The following SGCD variants were observed in gnomAD, a reference collection of about 807,000 sequenced individuals.
SGCD encodes the protein sarcoglycan delta.
In SGCD, 18 loss-of-function variants were observed where a neutral mutation model predicts 36.6. The observed-to-expected ratio is 0.49, with a 90% CI of 0.34 to 0.73. SGCD has a LOEUF of 0.73. Among genes scored for constraint, SGCD ranks in the 30% least tolerant of loss-of-function variants. The pLI is 0.01. For synonymous variants in SGCD, 133 were observed against 130.6 expected (o/e 1.02, Z -0.12); for missense variants, 387 against 346.7 (o/e 1.12, Z -0.92).
chr5:156,127,388 G>A (rs556681813), intron 3 of SGCD, among the ~76,000 whole-genome samples: 11 of 152,106 alleles, frequency 7.2e-5, no homozygotes, highest in Non-Finnish European at 1.6e-4. Context: ...AAGATTGCAC[G>A]AGGTCAGGAG....
rs369486267 is a variant in SGCD at position 156,521,798 on chromosome 5, A to G, written c.294+13096A>G. Among the ~76,000 whole-genome samples, 5 of 152,306 alleles carry G rather than the reference A, an allele frequency of 3.3e-5. No homozygotes were observed. In the South Asian group the frequency reaches 8.3e-4, roughly 25 times the overall value. On this transcript the variant is annotated intron_variant, in intron 4 of 8. Coordinates refer to ENST00000337851, the MANE Select transcript of SGCD (RefSeq NM_000337.6). Reference sequence around the variant, plus strand: ...GAAAGACAGTGTGGTGATTCCTCAAAGACCTGGAACTAAAAATACCATTTG... The same window carrying G: ...GAAAGACAGTGTGGTGATTCCTCAAGGACCTGGAACTAAAAATACCATTTG...
chr5:156,614,602 C>T (rs1761955539), intron 6 of SGCD, among the ~76,000 whole-genome samples: 1 of 152,204 alleles, frequency 6.6e-6, no homozygotes, highest in Admixed American at 6.5e-5. Flanking sequence ...TGTTGACTCC[C>T]CCACAGTTTA....
At chr5:156,197,264 T>G (rs1764044386) in intron 3 of SGCD, among the ~76,000 whole-genome samples, 1 of 152,220 alleles carries the variant, frequency 6.6e-6, no homozygotes, top group African/African-American at 2.4e-5. Context: ...GCATGAATAA[T>G]GTTCCGTTGA....
chr5:155,841,448 T>G, the SGCD span, among the ~76,000 whole-genome samples: 2 of 152,322 alleles, frequency 1.3e-5, no homozygotes, highest in East Asian at 3.9e-4. Context: ...AATACCTCAT[T>G]GTAGTTGTAA....
At chr5:156,072,916 A>T (rs1336122259) in intron 1 of SGCD, among the ~76,000 whole-genome samples, 1 of 152,090 alleles carries the variant, frequency 6.6e-6, no homozygotes, top group African/African-American at 2.4e-5. Context: ...GTTCCAGTTG[A>T]TCGCATCGGC....
intron 3 of SGCD, among the ~76,000 whole-genome samples, chr5:156,190,642 T>C (rs1411878696): frequency 6.6e-6 from 1 of 152,172 alleles, no homozygotes; most frequent in Non-Finnish European, 1.5e-5. Flanking sequence ...GAGATTATAT[T>C]TTAACAGAGG....
intron 6 of SGCD, among the ~76,000 whole-genome samples, chr5:156,627,852 A>G (rs1762491114): frequency 6.6e-6 from 1 of 152,182 alleles, no homozygotes; most frequent in Non-Finnish European, 1.5e-5. Context: ...CTGCTTGGTA[A>G]TGTTTATAAT....
intron 1 of SGCD, among the ~76,000 whole-genome samples, chr5:156,056,696 A>C (rs544225826): frequency 7.1e-6 from 1 of 141,268 alleles, no homozygotes; most frequent in South Asian, 2.3e-4. Flanking sequence ...AGGCTGATTT[A>C]AGTAATAAAA....
intron 4 of SGCD, among the ~76,000 whole-genome samples, chr5:156,529,414 ACT>A (rs1361958618): frequency 1.6e-5 from 2 of 126,298 alleles, no homozygotes; most frequent in Non-Finnish European, 3.2e-5. Context: ...ACAGGGTGTG[ACT>A]CTGTCTCAAA....
chr5:155,732,485 C>T, the SGCD span, among the ~76,000 whole-genome samples: 1 of 152,250 alleles, frequency 6.6e-6, no homozygotes, highest in Non-Finnish European at 1.5e-5. Flanking sequence ...CCCCACTCTA[C>T]CATTTGAGAA....
intron 1 of SGCD, among the ~76,000 whole-genome samples, chr5:156,006,043 C>T (rs917666103): frequency 1.3e-5 from 2 of 152,154 alleles, no homozygotes; most frequent in Non-Finnish European, 2.9e-5. Context: ...ATGATACATA[C>T]CTCAGGTGAG....
intron 3 of SGCD, among the ~76,000 whole-genome samples, chr5:156,426,389 T>C (rs1773672358): frequency 6.6e-6 from 1 of 152,100 alleles, no homozygotes; most frequent in Non-Finnish European, 1.5e-5. Flanking sequence ...TGTCTATTCA[T>C]GTTCTTTAAT....
At chr5:156,195,273 T>C (rs1395089119) in intron 3 of SGCD, among the ~76,000 whole-genome samples, 1 of 152,210 alleles carries the variant, frequency 6.6e-6, no homozygotes, top group Non-Finnish European at 1.5e-5. Context: ...TGCTTCCATA[T>C]GCTTCGCATT....
intron 4 of SGCD, among the ~76,000 whole-genome samples, chr5:156,576,853 C>T (rs1759980767): frequency 2.0e-5 from 3 of 152,030 alleles, no homozygotes; most frequent in Admixed American, 1.3e-4. Context: ...CAATTTTCTC[C>T]CATTCTGTAG....
chr5:156,378,489 T>C lies in SGCD; in HGVS notation c.192+33812T>C, dbSNP rs571447177. Among the ~76,000 whole-genome samples, 165 of 152,306 alleles carry C rather than the reference T, an allele frequency of 1.1e-3. 1 individual carries two copies. In the Middle Eastern group the frequency reaches 0.02, roughly 19 times the overall value. On this transcript the variant is annotated intron_variant, in intron 3 of 8. Transcript: ENST00000337851. ...TAAAAGGTTAAGATGGTTAGTTTTATGTTGTGTATTTTACCACAGTTTAAT... is the reference window on the plus strand; with the variant it reads ...TAAAAGGTTAAGATGGTTAGTTTTACGTTGTGTATTTTACCACAGTTTAAT...
intron 3 of SGCD, among the ~76,000 whole-genome samples, chr5:156,397,746 C>G (rs999312318): frequency 3.3e-5 from 5 of 152,180 alleles, no homozygotes; most frequent in Non-Finnish European, 5.9e-5. Context: ...CTCCTCAAAG[C>G]AGTACATAAG....
chr5:156,700,942 C>CAAAAA (rs66896485), intron 7 of SGCD, among the ~76,000 whole-genome samples: 1 of 128,486 alleles, frequency 7.8e-6, no homozygotes, highest in African/African-American at 2.9e-5. Flanking sequence ...GACCTTGTCT[C>CAAAAA]AAAAAAAAAA....
rs545107812 is a variant in SGCD, at chr5:155,931,612, T to C, written c.-282+61188T>C. On this transcript the variant is annotated intron_variant, in intron 1 of 9. Transcript: ENST00000517913. ...TGAACATGTGTTTCTGGTATCCCAC[T>C]AATACATTTTCTTAATTAACGTAAG... is the stretch of plus-strand genomic sequence containing the variant. 4.3e-4 allele frequency among the ~76,000 whole-genome samples: 66 copies of C among 152,326 alleles called. No individual in the cohort carries two copies. The South Asian group carries it at 6.8e-3, about 16-fold the overall frequency.
chr5:156,576,014 T>C (rs1360355788), intron 4 of SGCD, among the ~76,000 whole-genome samples: 1 of 152,192 alleles, frequency 6.6e-6, no homozygotes, highest in Non-Finnish European at 1.5e-5. Context: ...CATGTTGGTG[T>C]GCTGCACCCA....
Sources: gnomAD v4.1 joint callset for allele counts (sites outside exome capture counted in the v4.1 genomes callset) on GRCh38, gnomAD v4.1.1 for gene constraint, MANE v1.5 for transcripts, NCBI Gene and HGNC (gene_info 2026-07-23, HGNC 2026-07-21) for gene names.